Variants in NFASC observed in about 807,000 individuals in gnomAD.
NFASC encodes the protein neurofascin homolog.
A neutral mutation model predicts 147.5 loss-of-function variants in NFASC; 43 were observed. The observed-to-expected ratio is 0.29, with a 90% CI of 0.23 to 0.38. NFASC has a LOEUF of 0.38. Among genes scored for constraint, NFASC ranks in the 10% least tolerant of loss-of-function variants. The probability of loss-of-function intolerance (pLI) is 1.00; values close to 1 mark genes in which losing one functional copy is unlikely to be tolerated. For synonymous variants in NFASC, 622 were observed against 665.5 expected, an observed-to-expected ratio of 0.93 and a Z score of 1.01; for missense variants, 1,320 against 1,689.0, an observed-to-expected ratio of 0.78 and a Z score of 3.83.
chr1:204,941,828 G>C (rs984103506), intron 2 of NFASC, among the ~76,000 whole-genome samples: 5 of 152,122 alleles, frequency 3.3e-5, no homozygotes, highest in Non-Finnish European at 7.4e-5. Flanking sequence ...AGAGAGCACC[G>C]TCTGTGTAGG....
intron 1 of NFASC, among the ~76,000 whole-genome samples, chr1:204,838,064 C>T (rs1230291295): frequency 2.6e-5 from 4 of 152,258 alleles, no homozygotes; most frequent in African/African-American, 9.6e-5. Context: ...GCAGAACTTC[C>T]CAGAACACCG....
rs145691493 is a variant in NFASC at position 204,887,263 on chromosome 1, G to A, written c.-199-33369G>A. ...AAAATCATACAGTATTCGTCCTTTT[G>A]TGAGTGGCTTATTTCACTTAGCATG... On this transcript the variant is annotated intron_variant, in intron 1 of 29. Transcript: ENST00000339876. Among the ~76,000 whole-genome samples, 45 of 152,274 alleles carry A rather than the reference G, an allele frequency of 3.0e-4. 1 individual carries two copies. In the South Asian group the frequency reaches 3.9e-3, roughly 13 times the overall value.
intron 7 of NFASC, among the ~76,000 whole-genome samples, chr1:204,955,446 T>G (rs1476890735): frequency 6.6e-6 from 1 of 152,080 alleles, no homozygotes; most frequent in African/African-American, 2.4e-5. Flanking sequence ...TATTGGCCGG[T>G]CTGGATTTAT....
chr1:204,900,280 G>A lies in NFASC; in HGVS notation c.-199-20352G>A, dbSNP rs747134330. ...GGGATAAAGGATAAATGGAAAACCAGATCTCAGGTTCAAAGAATTCACAGC... is the reference window on the plus strand; with the variant it reads ...GGGATAAAGGATAAATGGAAAACCAAATCTCAGGTTCAAAGAATTCACAGC... On this transcript the variant is annotated intron_variant, in intron 1 of 29. Coordinates refer to ENST00000339876, the MANE Select transcript of NFASC (RefSeq NM_001005388.3). 3.1e-4 allele frequency among the ~76,000 whole-genome samples: 47 copies of A among 152,308 alleles called. 1 individual carries two copies. The highest frequency in any genetic ancestry group is 1.2e-3 in the South Asian group (6 of 4,820).
chr1:204,841,706 C>A (rs567333124), intron 1 of NFASC, among the ~76,000 whole-genome samples: 67 of 152,230 alleles, frequency 4.4e-4, no homozygotes, highest in Non-Finnish European at 8.2e-4. Flanking sequence ...TGGGAACATA[C>A]AAGGGGGACA....
chr1:204,841,437 A>C (rs1422637215), intron 1 of NFASC, among the ~76,000 whole-genome samples: 1 of 152,206 alleles, frequency 6.6e-6, no homozygotes, highest in Non-Finnish European at 1.5e-5. Flanking sequence ...TAAGAGTCTG[A>C]GTATCACAGA....
chr1:204,872,203 C>T (rs1275905187), intron 1 of NFASC, among the ~76,000 whole-genome samples: 1 of 152,224 alleles, frequency 6.6e-6, no homozygotes, highest in African/African-American at 2.4e-5. Flanking sequence ...GTGTCAGGAG[C>T]ATTGCGGAGT....
intron 27 of NFASC, among the ~76,000 whole-genome samples, chr1:205,004,351 A>G (rs748461804): frequency 6.6e-6 from 1 of 152,232 alleles, no homozygotes; most frequent in East Asian, 1.9e-4. Context: ...AATGATTGAT[A>G]CTGGGTATGC....
chr1:204,893,760 C>G (rs954178995), intron 1 of NFASC, among the ~76,000 whole-genome samples: 3 of 152,216 alleles, frequency 2.0e-5, no homozygotes, highest in Admixed American at 6.5e-5. Flanking sequence ...GGCTTTCCCC[C>G]ACTCTGTCAA....
chr1:204,951,150 ATT>A lies in NFASC; in HGVS notation c.109+594_109+595del, dbSNP rs35794512. On this transcript the variant is annotated intron_variant, in intron 4 of 29. Coordinates refer to ENST00000339876, the MANE Select transcript of NFASC (RefSeq NM_001005388.3). ...CAGTTTCTCCTCGGGATGCTATGGG[ATT>A]TTTTTTTTTTTTTTTTTATGGAGTC... Among the ~76,000 whole-genome samples, 1,228 of 133,278 alleles carry A rather than the reference ATT, an allele frequency of 9.2e-3. 8 individuals are homozygous for A. Among genetic ancestry groups the A allele is most frequent in the African/African-American group, 0.016 (566 of 35,436 alleles). The allele number at this position is 133,278 out of a possible 152,430, so 87.4% of individuals were successfully genotyped here. A position where few individuals can be genotyped will look rare whatever the true frequency, so the allele number is the denominator to read the frequency against.
rs1051458095 is a variant in NFASC at position 204,871,372 on chromosome 1, A to C, written c.-200+42590A>C. Among the ~76,000 whole-genome samples the C allele has an allele frequency of 2.0e-5, 3 of 152,206 alleles. No homozygotes were observed. In the East Asian group the frequency reaches 5.8e-4, roughly 29 times the overall value. ...GAAGAGAGGCCAAGGACAAGGCTCCAAAGCCCCTGTGTGGGTGGGCAGGGG... is the reference window on the plus strand; with the variant it reads ...GAAGAGAGGCCAAGGACAAGGCTCCCAAGCCCCTGTGTGGGTGGGCAGGGG... On this transcript the variant is annotated intron_variant, in intron 1 of 29. Coordinates refer to ENST00000339876, the MANE Select transcript of NFASC (RefSeq NM_001005388.3).
At chr1:204,880,942 C>T (rs1435617126) in intron 1 of NFASC, among the ~76,000 whole-genome samples, 2 of 152,208 alleles carry the variant, frequency 1.3e-5, no homozygotes, top group Non-Finnish European at 2.9e-5. Flanking sequence ...GAGTTTCAGG[C>T]CTCCCAAGCT....
intron 1 of NFASC, among the ~76,000 whole-genome samples, chr1:204,885,044 G>A (rs886177426): frequency 7.2e-5 from 11 of 152,056 alleles, no homozygotes; most frequent in African/African-American, 2.7e-4. Flanking sequence ...GGAGAATCAC[G>A]TGAGACCAAG....
At position 204,950,569 on chromosome 1, in the gene NFASC, A is replaced by G. The variant is rs142497407; in HGVS notation, c.104A>G (p.Asn35Ser). 65 of 1,612,844 alleles carry G rather than the reference A, an allele frequency of 4.0e-5. No individual in the cohort carries two copies. In the African/African-American group the frequency reaches 7.6e-4, roughly 19 times the overall value. The change falls in exon 4 of 30, where the codon AAT (asparagine) becomes AGT (serine). Residue 35 changes from asparagine (N) to serine (S), a missense_variant. By Grantham distance (46) the Asn-to-Ser change is conservative. Coordinates refer to ENST00000339876, the MANE Select transcript of NFASC (RefSeq NM_001005388.3). ...TCGGAACTAACAGCAAGCATTCAGAATGAGCGTAAGTGCCCTGTGTGCCTC... is the reference window on the plus strand; with the variant it reads ...TCGGAACTAACAGCAAGCATTCAGAGTGAGCGTAAGTGCCCTGTGTGCCTC... ...IEIPMDPSIQ[N>S]ELTQPPTITK...
rs202087352 is a variant in NFASC, at chr1:204,979,997, CA to C, written c.2177-365del. ...GCTCATAGAGGGTAGAGATGCTGCC[CA>C]AAAAAAATGTTAAATGCCAGGGATA... On this transcript the variant is annotated intron_variant, in intron 19 of 29. Coordinates refer to ENST00000339876, the MANE Select transcript of NFASC (RefSeq NM_001005388.3). This position sits in a 1 kb window ranked among gnomAD's most constrained non-coding sequence, Gnocchi z 6.0. Among the ~76,000 whole-genome samples the C allele has an allele frequency of 6.6e-6, 1 of 151,598 alleles. No individual in the cohort carries two copies.
At chr1:204,912,349 A>G (rs1013386081) in intron 1 of NFASC, among the ~76,000 whole-genome samples, 1 of 151,850 alleles carries the variant, frequency 6.6e-6, no homozygotes, top group Non-Finnish European at 1.5e-5. Flanking sequence ...ATTCAGTTCA[A>G]TGTACTTTTT....
chr1:204,969,064 G>C, intron 10 of NFASC, 82 bp downstream of exon 10: 2 of 1,311,262 alleles, frequency 1.5e-6, no homozygotes, highest in Non-Finnish European at 1.1e-6. Context: ...GGTGGTTGGG[G>C]GCAGAGTGAG....
intron 1 of NFASC, among the ~76,000 whole-genome samples, chr1:204,831,905 AC>A (rs1278944726): frequency 1.3e-5 from 2 of 152,184 alleles, no homozygotes; most frequent in African/African-American, 4.8e-5. Flanking sequence ...CAGACAAATA[AC>A]AGATAAGCTT....
chr1:204,857,731 C>T (rs935586003), intron 1 of NFASC, among the ~76,000 whole-genome samples: 1 of 152,124 alleles, frequency 6.6e-6, no homozygotes, highest in Non-Finnish European at 1.5e-5. Flanking sequence ...TACCACAACC[C>T]TGGTGGCTTC....
Sources: gnomAD v4.1 joint callset for allele counts (sites outside exome capture counted in the v4.1 genomes callset) on GRCh38, gnomAD v4.1.1 for gene constraint, Gnocchi (gnomAD v3.1) non-coding constraint, MANE v1.5 for transcripts, NCBI Gene and HGNC (gene_info 2026-07-23, HGNC 2026-07-21) for gene names.